Variants in PHACTR1 observed in about 807,000 individuals in gnomAD.
PHACTR1 encodes RPEL repeat containing 1.
In PHACTR1, 16 loss-of-function variants were observed where a neutral mutation model predicts 69.2. The ratio of observed to expected loss-of-function variants is 0.23; its 90% confidence interval spans 0.16 to 0.35. The LOEUF (loss-of-function observed/expected upper bound fraction) is 0.35, where lower values mean the gene tolerates loss of function less well. PHACTR1 is among the 10% of genes least tolerant of loss of function. The probability of loss-of-function intolerance (pLI) is 1.00; values close to 1 mark genes in which losing one functional copy is unlikely to be tolerated. For missense variants in PHACTR1, 510 were observed against 734.7 expected, an observed-to-expected ratio of 0.69 and a Z score of 3.54; for synonymous variants, 312 against 284.5, an observed-to-expected ratio of 1.10 and a Z score of -0.97.
At chr6:12,950,351 T>A (rs1259792292) in intron 4 of PHACTR1, among the ~76,000 whole-genome samples, 1 of 152,216 alleles carries the variant, frequency 6.6e-6, no homozygotes, top group Non-Finnish European at 1.5e-5. Context: ...TATGATGGCA[T>A]CTCTGCAGTC....
rs914221446 is a variant in PHACTR1 at position 13,281,117 on chromosome 6, C to A, written c.1510-2305C>A. The A allele has an allele frequency of 1.0e-5, 13 of 1,289,236 alleles. No homozygotes were observed. In the African/African-American group the frequency reaches 2.0e-4, roughly 20 times the overall value. 79.9% of individuals were successfully genotyped at this position (1,289,236 alleles called of 1,614,324 possible). A position where few individuals can be genotyped will look rare whatever the true frequency, so the allele number is the denominator to read the frequency against. ...TTCAGGCATAAGAAACAGCCCCTGA[C>A]CTGCAGCATTTATGCTTAGTCTTCG... On this transcript the variant is annotated intron_variant, in intron 12 of 14. Transcript: ENST00000332995.
chr6:13,163,670 G>C (rs1037696463), intron 6 of PHACTR1, among the ~76,000 whole-genome samples: 4 of 152,102 alleles, frequency 2.6e-5, no homozygotes, highest in Admixed American at 6.5e-5. Flanking sequence ...TCATATTATA[G>C]TATATCTACA....
At chr6:13,012,605 G>T (rs1166199954) in intron 4 of PHACTR1, among the ~76,000 whole-genome samples, 4 of 152,174 alleles carry the variant, frequency 2.6e-5, no homozygotes, top group Non-Finnish European at 5.9e-5. Flanking sequence ...CACCTGGGGA[G>T]CTTGTTAAAG....
At chr6:13,171,859 G>A (rs942763216) in intron 6 of PHACTR1, among the ~76,000 whole-genome samples, 14 of 151,976 alleles carry the variant, frequency 9.2e-5, no homozygotes, top group Non-Finnish European at 1.6e-4. Flanking sequence ...CTCTGCCTCC[G>A]GGGTTCAAGT....
chr6:13,148,819 T>A (rs1201837754), intron 5 of PHACTR1, among the ~76,000 whole-genome samples: 1 of 152,214 alleles, frequency 6.6e-6, no homozygotes, highest in Non-Finnish European at 1.5e-5. Flanking sequence ...CTGGGCTGCT[T>A]GAGCTTCTTC....
intron 10 of PHACTR1, among the ~76,000 whole-genome samples, chr6:13,254,816 T>C (rs1024424297): frequency 2.6e-5 from 4 of 152,222 alleles, no homozygotes; most frequent in Non-Finnish European, 5.9e-5. Context: ...TAGTTGCATC[T>C]TCCATAAGAG....
chr6:12,845,866 T>C (rs554090494), intron 4 of PHACTR1, among the ~76,000 whole-genome samples: 27 of 152,328 alleles, frequency 1.8e-4, no homozygotes, highest in African/African-American at 6.0e-4. Flanking sequence ...ATAGCTCCCT[T>C]ATTGTCCTTA....
intron 5 of PHACTR1, among the ~76,000 whole-genome samples, chr6:13,130,510 A>G (rs1344900252): frequency 6.6e-6 from 1 of 152,180 alleles, no homozygotes; most frequent in Non-Finnish European, 1.5e-5. Flanking sequence ...ACAAAAGATT[A>G]TTCAAGGCTG....
At chr6:13,017,306 A>G (rs76317844) in intron 4 of PHACTR1, among the ~76,000 whole-genome samples, 7 of 151,802 alleles carry the variant, frequency 4.6e-5, no homozygotes, top group Non-Finnish European at 7.4e-5. Context: ...AATGTGGAAC[A>G]TTAGGTATTG....
chr6:12,789,949 T>A (rs1772047780), intron 4 of PHACTR1, among the ~76,000 whole-genome samples: 1 of 140,650 alleles, frequency 7.1e-6, no homozygotes, highest in African/African-American at 2.6e-5. Context: ...TTTCACTGCC[T>A]ATATCTGGAA....
intron 5 of PHACTR1, among the ~76,000 whole-genome samples, chr6:13,148,640 C>T (rs1823819861): frequency 6.6e-6 from 1 of 152,164 alleles, no homozygotes; most frequent in African/African-American, 2.4e-5. Flanking sequence ...AGGTACTTAT[C>T]CCATAGTCAA....
intron 4 of PHACTR1, among the ~76,000 whole-genome samples, chr6:12,896,081 A>G (rs1413066201): frequency 6.6e-6 from 1 of 152,192 alleles, no homozygotes; most frequent in African/African-American, 2.4e-5. Context: ...CTTCAAACCT[A>G]CTTTAGGGAA....
rs903038400 is a variant in PHACTR1 at position 13,047,729 on chromosome 6, G to A, written c.251-5636G>A. Among the ~76,000 whole-genome samples, 4 of 152,138 alleles carry A rather than the reference G, an allele frequency of 2.6e-5. No homozygotes were observed. The East Asian group carries it at 7.7e-4, about 29-fold the overall frequency. ...CTCTGACTAGACATCAGATGGCACA[G>A]ACACCATGCTTCCTTCATTCCAGGC... On this transcript the variant is annotated intron_variant, in intron 4 of 14. Transcript: ENST00000332995.
chr6:13,204,093 C>A (rs1346575192), intron 7 of PHACTR1, among the ~76,000 whole-genome samples: 2 of 152,088 alleles, frequency 1.3e-5, no homozygotes, highest in African/African-American at 4.8e-5. Flanking sequence ...AAGGTTATTT[C>A]CAACTGGGGG....
intron 4 of PHACTR1, among the ~76,000 whole-genome samples, chr6:12,818,993 A>G (rs1365956417): frequency 6.6e-6 from 1 of 152,238 alleles, no homozygotes; most frequent in Non-Finnish European, 1.5e-5. Context: ...AGAGTTTGGA[A>G]AACATTTGAA....
chr6:12,726,798 G>A (rs1383696695), intron 3 of PHACTR1, among the ~76,000 whole-genome samples: 1 of 152,158 alleles, frequency 6.6e-6, no homozygotes, highest in African/African-American at 2.4e-5. Context: ...AAACAACTAG[G>A]TTATAACTTT....
At chr6:13,223,656 G>A (rs1261325048) in intron 8 of PHACTR1, among the ~76,000 whole-genome samples, 1 of 152,152 alleles carries the variant, frequency 6.6e-6, no homozygotes, top group Admixed American at 6.5e-5. Flanking sequence ...TTGTAATACA[G>A]TAGGTTCAAA....
At chr6:13,130,313 G>C (rs1042946437) in intron 5 of PHACTR1, among the ~76,000 whole-genome samples, 6 of 151,840 alleles carry the variant, frequency 4.0e-5, no homozygotes, top group Non-Finnish European at 1.5e-5. Flanking sequence ...AAAAAGGTCA[G>C]AGCAGAACTA....
chr6:13,167,110 G>C (rs529366808), intron 6 of PHACTR1, among the ~76,000 whole-genome samples: 3 of 152,304 alleles, frequency 2.0e-5, no homozygotes, highest in Admixed American at 6.5e-5. Context: ...CAGCCGGTGA[G>C]TGTGAACTCT....
Sources: gnomAD v4.1 joint callset for allele counts (sites outside exome capture counted in the v4.1 genomes callset) on GRCh38, gnomAD v4.1.1 for gene constraint, MANE v1.5 for transcripts, NCBI Gene and HGNC (gene_info 2026-07-23, HGNC 2026-07-21) for gene names.